The following KLHL8 variants were observed in gnomAD, a reference collection of about 807,000 sequenced individuals.
KLHL8 encodes the protein kelch-like protein 8.
In KLHL8, 38 loss-of-function variants were observed where a neutral mutation model predicts 63.5. That is an observed-to-expected ratio of 0.60 (90% CI 0.46 to 0.78). The LOEUF (loss-of-function observed/expected upper bound fraction) is 0.78, where lower values mean the gene tolerates loss of function less well. KLHL8 is among the 30% of genes least tolerant of loss of function. The probability of loss-of-function intolerance (pLI) is 0.00; values close to 1 mark genes in which losing one functional copy is unlikely to be tolerated. For synonymous variants in KLHL8, 224 were observed against 254.3 expected (o/e 0.88, Z 1.13); for missense variants, 566 against 752.4 (o/e 0.75, Z 2.90).
At chr4:87,238,666 A>T (rs1733277133) in intron 1 of KLHL8, among the ~76,000 whole-genome samples, 1 of 152,240 alleles carries the variant, frequency 6.6e-6, no homozygotes, top group Non-Finnish European at 1.5e-5. Flanking sequence ...GCTAGTAGCT[A>T]CCAAAATGGA....
At chr4:87,205,784 C>T (rs1732104166) in intron 1 of KLHL8, among the ~76,000 whole-genome samples, 1 of 152,102 alleles carries the variant, frequency 6.6e-6, no homozygotes, top group Admixed American at 6.6e-5. Context: ...ACTTATTTTG[C>T]CATGCCATAT....
chr4:87,212,058 A>C (rs1732426429), intron 1 of KLHL8, among the ~76,000 whole-genome samples: 1 of 152,228 alleles, frequency 6.6e-6, no homozygotes, highest in African/African-American at 2.4e-5. Flanking sequence ...GAAAATGATC[A>C]ATGAGAATAT....
At chr4:87,191,367 G>A (rs1731480129) in intron 2 of KLHL8, among the ~76,000 whole-genome samples, 1 of 152,100 alleles carries the variant, frequency 6.6e-6, no homozygotes, top group Non-Finnish European at 1.5e-5. Context: ...TACTCAGGGG[G>A]TGGAGTAGGG....
intron 8 of KLHL8, chr4:87,167,177 C>A: frequency 1.9e-6 from 1 of 525,434 alleles, no homozygotes; most frequent in Non-Finnish European, 3.6e-6. Context: ...GGAAACATTA[C>A]ACTGTTTATC....
rs758653635 is a variant in KLHL8, at chr4:87,170,466, A to G, written c.1358T>C (p.Val453Ala). ...ACTTACTACTAGAGCAACAGAGCCA[A>G]CTCCTCCACGGGGAGTATTCATTGG... ...VAPMNTPRGG[V>A]GSVALVNHVY... The change falls in exon 7 of 10, where the codon GTT (valine) becomes GCT (alanine). Residue 453 changes from valine to alanine, a missense_variant. Coordinates refer to ENST00000273963, the MANE Select transcript of KLHL8 (RefSeq NM_020803.5). 1.9e-6 allele frequency: 3 copies of G among 1,604,732 alleles called. No homozygotes were observed. In the African/African-American group the frequency reaches 4.0e-5, roughly 22 times the overall value.
intron 1 of KLHL8, among the ~76,000 whole-genome samples, chr4:87,237,813 T>TGA (rs1733258047): frequency 6.6e-6 from 1 of 151,964 alleles, no homozygotes; most frequent in Non-Finnish European, 1.5e-5. Context: ...GGTGACAGAG[T>TGA]GAGACCCTGT....
intron 1 of KLHL8, among the ~76,000 whole-genome samples, chr4:87,236,361 A>T (rs1435156903): frequency 6.6e-6 from 1 of 151,850 alleles, no homozygotes. Flanking sequence ...GGGGCGCACC[A>T]CCATGCCCGG....
chr4:87,164,239 C>A (rs879369278), intron 8 of KLHL8, among the ~76,000 whole-genome samples, 160 bp from the exon 9 acceptor site: 8 of 152,122 alleles, frequency 5.3e-5, no homozygotes, highest in South Asian at 4.1e-4. Context: ...TCTACCACCA[C>A]CAACAACTAC....
At position 87,220,412 on chromosome 4, in the gene KLHL8, C is replaced by G. The variant is rs1256436310; in HGVS notation, c.-152+6G>C. 1 of 152,278 alleles carries G rather than the reference C, an allele frequency of 6.6e-6. No homozygotes were observed. The highest frequency in any genetic ancestry group is 2.4e-5 in the African/African-American group (1 of 41,428). 9.4% of individuals were successfully genotyped at this position (152,278 alleles called of 1,614,324 possible). ...GGGGACTGAGGGGAGACGAGCGTCC[C>G]GTTACCTCGATCCTCGACCCTGTTC... is the stretch of plus-strand genomic sequence containing the variant. On this transcript the variant is annotated splice_donor_region_variant and intron_variant, in intron 1 of 9. Coordinates refer to ENST00000273963, the MANE Select transcript of KLHL8 (RefSeq NM_020803.5).
At chr4:87,212,286 T>C (rs950167796) in intron 1 of KLHL8, among the ~76,000 whole-genome samples, 1 of 152,220 alleles carries the variant, frequency 6.6e-6, no homozygotes, top group Non-Finnish European at 1.5e-5. Flanking sequence ...CTGTGAGTTA[T>C]ACAACCTAGT....
At chr4:87,213,996 TA>T (rs1264394669) in intron 1 of KLHL8, among the ~76,000 whole-genome samples, 1 of 152,198 alleles carries the variant, frequency 6.6e-6, no homozygotes. Flanking sequence ...GTAATTTATA[TA>T]AAGTATTTAG....
chr4:87,219,123 TG>T (rs1732719309), intron 1 of KLHL8, among the ~76,000 whole-genome samples: 1 of 152,192 alleles, frequency 6.6e-6, no homozygotes, highest in South Asian at 2.1e-4. Flanking sequence ...ATAAATAAAG[TG>T]ACTAAAAGTT....
intron 3 of KLHL8, 146 bp downstream of exon 3, chr4:87,185,105 A>AC: frequency 1.4e-6 from 1 of 734,222 alleles, no homozygotes; most frequent in Non-Finnish European, 2.1e-6. Context: ...CAGGAAAATT[A>AC]GAGAGCTAAA....
intron 1 of KLHL8, among the ~76,000 whole-genome samples, chr4:87,226,867 T>G (rs867837405): frequency 3.2e-5 from 1 of 31,452 alleles, no homozygotes; most frequent in South Asian, 8.5e-4. Context: ...ATAATATATA[T>G]TATATATAAA....
At chr4:87,237,465 AT>A (rs1204350943) in intron 1 of KLHL8, among the ~76,000 whole-genome samples, 1 of 152,208 alleles carries the variant, frequency 6.6e-6, no homozygotes, top group Non-Finnish European at 1.5e-5. Flanking sequence ...ATAACAGAAA[AT>A]TAGCCTAGTT....
At chr4:87,165,040 T>C (rs919507371) in intron 8 of KLHL8, among the ~76,000 whole-genome samples, 6 of 150,330 alleles carry the variant, frequency 4.0e-5, no homozygotes, top group African/African-American at 1.5e-4. Context: ...TCCCAGCTAC[T>C]CGGGAGGCTG....
intron 4 of KLHL8, among the ~76,000 whole-genome samples, chr4:87,181,069 A>G (rs951670197): frequency 6.6e-6 from 1 of 151,966 alleles, no homozygotes; most frequent in African/African-American, 2.4e-5. Context: ...AAAAGTTGGA[A>G]GAAACTGTGA....
chr4:87,178,753 T>G, intron 4 of KLHL8, 133 bp from the exon 5 acceptor site: 1 of 826,750 alleles, frequency 1.2e-6, no homozygotes, highest in Non-Finnish European at 1.7e-6. Flanking sequence ...ATTATGTTAC[T>G]AGAAATCTAA....
intron 6 of KLHL8, among the ~76,000 whole-genome samples, chr4:87,171,039 G>T (rs2869644): frequency 1.3e-5 from 2 of 151,896 alleles, no homozygotes; most frequent in Non-Finnish European, 2.9e-5. Flanking sequence ...TTTGTTGCAG[G>T]GTTTCATTAT....
Sources: allele counts gnomAD v4.1 joint callset (sites outside exome capture counted in the v4.1 genomes callset), GRCh38; gene constraint gnomAD v4.1.1; transcripts MANE v1.5; gene names NCBI Gene and HGNC (gene_info 2026-07-23, HGNC 2026-07-21).